VAT1L: variants seen among roughly 807,000 people sequenced by gnomAD.
The protein encoded by VAT1L is vesicle amine transport 1 like, also known as putative NADPH-dependent quinone oxidoreductase VAT1L.
A neutral mutation model predicts 44.1 loss-of-function variants in VAT1L; 34 were observed. That is an observed-to-expected ratio of 0.77 (90% CI 0.59 to 1.03). The LOEUF is 1.03. VAT1L is among the 50% of genes least tolerant of loss of function. The pLI is 0.00. For synonymous variants in VAT1L, 253 were observed against 202.2 expected, an observed-to-expected ratio of 1.25 and a Z score of -2.13; for missense variants, 615 against 538.8, an observed-to-expected ratio of 1.14 and a Z score of -1.40.
chr16:77,838,818 T>A (rs939888598), intron 3 of VAT1L, among the ~76,000 whole-genome samples: 1 of 151,858 alleles, frequency 6.6e-6, no homozygotes, highest in African/African-American at 2.4e-5. Context: ...CTTCTTCTTT[T>A]CCTTCTCTCT....
At chr16:77,873,729 GT>G (rs2017057625) in intron 4 of VAT1L, among the ~76,000 whole-genome samples, 1 of 152,198 alleles carries the variant, frequency 6.6e-6, no homozygotes, top group African/African-American at 2.4e-5. Context: ...TTTAGGTGGA[GT>G]GATTAGTTAC....
chr16:77,862,003 G>A (rs562724771), intron 3 of VAT1L, among the ~76,000 whole-genome samples: 63 of 152,220 alleles, frequency 4.1e-4, no homozygotes, highest in African/African-American at 1.3e-3. Flanking sequence ...CATCCAAATC[G>A]TTATCTTAGG....
In VAT1L at chr16:77,804,024, T is replaced by C. The variant is rs115423930; in HGVS notation, c.234-12897T>C. ...TGTACAGCCTCCTCTTATGGAACTGTCATGCCGTGTAGTCATTCTTTTGTT... is the reference window on the plus strand; with the variant it reads ...TGTACAGCCTCCTCTTATGGAACTGCCATGCCGTGTAGTCATTCTTTTGTT... On this transcript the variant is annotated intron_variant, in intron 1 of 8. Coordinates refer to ENST00000302536, the MANE Select transcript of VAT1L (RefSeq NM_020927.3). Among the ~76,000 whole-genome samples, 548 of 152,274 alleles carry C rather than the reference T, an allele frequency of 3.6e-3. 4 individuals are homozygous for C. The highest frequency in any genetic ancestry group is 0.013 in the African/African-American group (538 of 41,554).
chr16:77,935,820 G>A (rs60000152), intron 7 of VAT1L, among the ~76,000 whole-genome samples: 236 of 152,242 alleles, frequency 1.6e-3, no homozygotes, highest in African/African-American at 5.4e-3. Context: ...TAAACCCTAT[G>A]AGCTTCAGTT....
At chr16:77,813,807 G>C (rs2016306797) in intron 1 of VAT1L, among the ~76,000 whole-genome samples, 1 of 152,164 alleles carries the variant, frequency 6.6e-6, no homozygotes, top group Admixed American at 6.6e-5. Context: ...TTCAGTTTAA[G>C]GAATGGGTTC....
chr16:77,794,344 G>A (rs568570662), intron 1 of VAT1L, among the ~76,000 whole-genome samples: 1 of 152,262 alleles, frequency 6.6e-6, no homozygotes, highest in South Asian at 2.1e-4. Flanking sequence ...ATCTACACTT[G>A]TGAGATACAG....
intron 2 of VAT1L, 39 bp from the exon 3 acceptor site, chr16:77,825,207 G>A (rs762719051): frequency 3.1e-6 from 5 of 1,609,804 alleles, no homozygotes; most frequent in Non-Finnish European, 3.4e-6. Context: ...CCTCTGTCAT[G>A]AGGTAGCCTC....
At chr16:77,947,792 G>T (rs2017988427) in intron 7 of VAT1L, among the ~76,000 whole-genome samples, 2 of 152,230 alleles carry the variant, frequency 1.3e-5, no homozygotes, top group South Asian at 4.1e-4. Context: ...TTTCGCTCTT[G>T]TTGTCCAGGC....
At position 77,884,864 on chromosome 16, in the gene VAT1L, A is replaced by T; in HGVS notation, c.1077+62A>T. ...CTTTTTAACTCAGGAAGGTTTGGGC[A>T]GCCAAATACAATCTTCTACTAAATG... On this transcript the variant is annotated intron_variant, in intron 7 of 8. Coordinates refer to ENST00000302536, the MANE Select transcript of VAT1L (RefSeq NM_020927.3). The surrounding 1 kb of genome is among the most constrained non-coding windows in gnomAD (Gnocchi z 4.5). 7 of 1,410,534 alleles carry T rather than the reference A, an allele frequency of 5.0e-6. No homozygotes were observed. Among genetic ancestry groups the T allele is most frequent in the Non-Finnish European group, 6.5e-6 (7 of 1,077,586 alleles). The allele number at this position is 1,410,534 out of a possible 1,614,324, so 87.4% of individuals were successfully genotyped here.
At chr16:77,916,612 G>A (rs926105830) in intron 7 of VAT1L, among the ~76,000 whole-genome samples, 3 of 152,116 alleles carry the variant, frequency 2.0e-5, no homozygotes, top group African/African-American at 7.2e-5. Context: ...CTCCCATTAA[G>A]TTGTTCTGAG....
At chr16:77,965,657 T>C (rs1394823705) in intron 7 of VAT1L, among the ~76,000 whole-genome samples, 2 of 152,170 alleles carry the variant, frequency 1.3e-5, no homozygotes, top group Non-Finnish European at 2.9e-5. Flanking sequence ...TGTGGGACCA[T>C]GGTCCTGATT....
intron 2 of VAT1L, among the ~76,000 whole-genome samples, chr16:77,821,152 T>A (rs1396879651): frequency 2.0e-5 from 3 of 152,216 alleles, no homozygotes; most frequent in African/African-American, 7.2e-5. Flanking sequence ...TGAGAATCCA[T>A]AAATCAATAA....
chr16:77,800,073 G>C (rs979917884), intron 1 of VAT1L: 1 of 152,112 alleles, frequency 6.6e-6, no homozygotes, highest in Non-Finnish European at 1.5e-5. Flanking sequence ...CTCTCCTAAG[G>C]CCTCTCACAT....
At chr16:77,853,082 G>C (rs2016823221) in intron 3 of VAT1L, among the ~76,000 whole-genome samples, 1 of 152,228 alleles carries the variant, frequency 6.6e-6, no homozygotes, top group Admixed American at 6.5e-5. Flanking sequence ...AATGAGCTCA[G>C]AGCAGTCTAA....
chr16:77,790,209 T>G (rs1483094541), intron 1 of VAT1L, among the ~76,000 whole-genome samples: 7 of 152,192 alleles, frequency 4.6e-5, no homozygotes, highest in Admixed American at 1.3e-4. Context: ...ATCCCTGCCT[T>G]GCTGCTCATA....
At chr16:77,841,739 G>A (rs992601461) in intron 3 of VAT1L, among the ~76,000 whole-genome samples, 5 of 152,230 alleles carry the variant, frequency 3.3e-5, no homozygotes, top group Admixed American at 6.5e-5. Flanking sequence ...GGAGATGATC[G>A]TCCTGAGCTC....
At chr16:77,975,684 G>C (rs964361058) in intron 8 of VAT1L, among the ~76,000 whole-genome samples, 8 of 152,238 alleles carry the variant, frequency 5.3e-5, no homozygotes, top group Admixed American at 5.2e-4. Flanking sequence ...AACACTAAGA[G>C]TGGAGTCTCT....
At chr16:77,941,789 G>A (rs408413) in intron 7 of VAT1L, among the ~76,000 whole-genome samples, 146,576 of 152,128 alleles carry the variant, frequency 0.96, 70,874 homozygotes, top group East Asian at 1. Flanking sequence ...GGGTTTCACC[G>A]TGTTGGCCAG....
chr16:77,935,304 C>T (rs764934986), intron 7 of VAT1L, among the ~76,000 whole-genome samples: 7 of 152,032 alleles, frequency 4.6e-5, no homozygotes, highest in Admixed American at 4.6e-4. Context: ...TAAGAAATGT[C>T]ATTACTGTTT....
Sources: gnomAD v4.1 joint callset for allele counts (sites outside exome capture counted in the v4.1 genomes callset) on GRCh38, gnomAD v4.1.1 for gene constraint, Gnocchi (gnomAD v3.1) non-coding constraint, MANE v1.5 for transcripts, NCBI Gene and HGNC (gene_info 2026-07-23, HGNC 2026-07-21) for gene names.